The following CCL28 variants were observed in gnomAD, a reference collection of about 807,000 sequenced individuals.
CCL28 encodes C-C motif chemokine ligand 28.
Under a neutral mutation model 7.1 loss-of-function variants are expected in CCL28, and 4 were observed. The observed-to-expected ratio is 0.56, with a 90% CI of 0.28 to 1.29. The LOEUF (loss-of-function observed/expected upper bound fraction) is 1.29. CCL28 is among the 50% of genes most tolerant of loss of function. The pLI is 0.11. For missense variants in CCL28, 151 were observed against 163.4 expected (o/e 0.92, Z 0.41); for synonymous variants, 55 against 57.8 (o/e 0.95, Z 0.22).
chr5:43,400,246 TTCTG>T lies in CCL28; in HGVS notation c.65-11774_65-11771del, dbSNP rs199695166. Among the ~76,000 whole-genome samples, 71 of 152,304 alleles carry T rather than the reference TTCTG, an allele frequency of 4.7e-4. 3 individuals are homozygous for T. In the East Asian group the frequency reaches 0.013, roughly 29 times the overall value. On this transcript the variant is annotated intron_variant, in intron 1 of 2. Coordinates refer to ENST00000361115, the MANE Select transcript of CCL28 (RefSeq NM_148672.3). ...CCAGGAATGTGAGTCCCTGTTTTGG[TTCTG>T]TCTATGATACAGTTTTAGTCACTAG... is the stretch of plus-strand genomic sequence containing the variant.
At chr5:43,389,417 C>T (rs1019638783) in intron 1 of CCL28, among the ~76,000 whole-genome samples, 1 of 151,532 alleles carries the variant, frequency 6.6e-6, no homozygotes, top group Non-Finnish European at 1.5e-5. Flanking sequence ...GGATTTATCA[C>T]GTATCCACCC....
Position 43,388,340 on chromosome 5 carries a change from G to A in CCL28, c.191+10C>T, listed in dbSNP as rs1332325578. 11 of 1,613,846 alleles carry A rather than the reference G, an allele frequency of 6.8e-6. No individual in the cohort carries two copies. Among genetic ancestry groups the A allele is most frequent in the Non-Finnish European group, 9.3e-6 (11 of 1,179,960 alleles). On this transcript the variant is annotated intron_variant, in intron 2 of 2. Coordinates refer to ENST00000361115, the MANE Select transcript of CCL28 (RefSeq NM_148672.3). The stretch of plus-strand genomic sequence containing the variant: ...TGCAGGTTTAGACCTCCCGGCTGAT[G>A]AGCACTCACATGACAGCAGCCAAGT...
At chr5:43,383,077 C>T (rs184928555) in intron 2 of CCL28, among the ~76,000 whole-genome samples, 14 of 152,222 alleles carry the variant, frequency 9.2e-5, no homozygotes, top group South Asian at 2.1e-4. Context: ...CCTCAGCCCC[C>T]GAAGTGCTGG....
At chr5:43,358,073 G>C in the CCL28 span, among the ~76,000 whole-genome samples, 16 of 152,126 alleles carry the variant, frequency 1.1e-4, no homozygotes, top group Non-Finnish European at 2.1e-4. Flanking sequence ...CACCACTCAC[G>C]CCTTGTGAAG....
At chr5:43,368,580 C>T in the CCL28 span, among the ~76,000 whole-genome samples, 1 of 152,186 alleles carries the variant, frequency 6.6e-6, no homozygotes, top group Non-Finnish European at 1.5e-5. Flanking sequence ...TGTTAAAGTC[C>T]TAACCCCTAC....
chr5:43,388,600 G>C, intron 1 of CCL28, 124 bp from the exon 2 acceptor site: 2 of 884,772 alleles, frequency 2.3e-6, no homozygotes, highest in African/African-American at 1.7e-5. Flanking sequence ...ACATGGCTTT[G>C]TGAATACAGA....
chr5:43,377,893 C>T (rs899032782), downstream of CCL28, among the ~76,000 whole-genome samples: 69 of 149,382 alleles, frequency 4.6e-4, no homozygotes, highest in African/African-American at 1.5e-3. Flanking sequence ...CCACTACGCC[C>T]GGCTAATTTT....
the CCL28 span, among the ~76,000 whole-genome samples, chr5:43,365,014 T>C: frequency 6.7e-6 from 1 of 149,342 alleles, no homozygotes; most frequent in African/African-American, 2.5e-5. Context: ...CTTTTTTTTT[T>C]TTTTTTTTTG....
chr5:43,402,994 G>A (rs890101524), intron 1 of CCL28, among the ~76,000 whole-genome samples: 1 of 152,324 alleles, frequency 6.6e-6, no homozygotes, highest in South Asian at 2.1e-4. Context: ...GGCTTGAATA[G>A]GTAAACAAAA....
chr5:43,405,468 A>G (rs1170259897), intron 1 of CCL28, among the ~76,000 whole-genome samples: 1 of 152,250 alleles, frequency 6.6e-6, no homozygotes. Flanking sequence ...GACATAACAT[A>G]CCAGAATCTC....
intron 1 of CCL28, among the ~76,000 whole-genome samples, chr5:43,395,408 G>A (rs1740757258): frequency 6.6e-6 from 1 of 152,046 alleles, no homozygotes; most frequent in African/African-American, 2.4e-5. Context: ...CAGGTGTGGT[G>A]GCTCATACCT....
At chr5:43,395,652 G>C (rs1383637488) in intron 1 of CCL28, among the ~76,000 whole-genome samples, 2 of 152,080 alleles carry the variant, frequency 1.3e-5, no homozygotes, top group Non-Finnish European at 2.9e-5. Flanking sequence ...CAGACGCCAA[G>C]AGAGAGTTCT....
At chr5:43,396,266 C>T (rs1049608006) in intron 1 of CCL28, among the ~76,000 whole-genome samples, 2 of 152,048 alleles carry the variant, frequency 1.3e-5, no homozygotes, top group Admixed American at 6.6e-5. Context: ...GTAGTGAGGG[C>T]GACCAGAGGT....
downstream of CCL28, among the ~76,000 whole-genome samples, chr5:43,374,100 C>T (rs1739838308): frequency 1.3e-5 from 2 of 152,184 alleles, no homozygotes; most frequent in African/African-American, 4.8e-5. Flanking sequence ...TGCATGACTG[C>T]TCTGTGGTGT....
the CCL28 span, among the ~76,000 whole-genome samples, chr5:43,357,251 C>T: frequency 6.6e-6 from 1 of 152,178 alleles, no homozygotes; most frequent in East Asian, 1.9e-4. Context: ...CAAAGTTAGT[C>T]ATGTGGTCAA....
At chr5:43,364,584 T>TAGAA in the CCL28 span, among the ~76,000 whole-genome samples, 3 of 152,064 alleles carry the variant, frequency 2.0e-5, no homozygotes, top group Non-Finnish European at 2.9e-5. Flanking sequence ...AATTTTATCA[T>TAGAA]AGAATGTAAT....
At chr5:43,405,041 C>T (rs1243729305) in intron 1 of CCL28, among the ~76,000 whole-genome samples, 2 of 152,196 alleles carry the variant, frequency 1.3e-5, no homozygotes, top group Non-Finnish European at 2.9e-5. Flanking sequence ...GAGACTTAGA[C>T]TCCCACACAA....
chr5:43,397,616 A>G (rs192518283), intron 1 of CCL28, among the ~76,000 whole-genome samples: 1 of 152,300 alleles, frequency 6.6e-6, no homozygotes, highest in Admixed American at 6.5e-5. Flanking sequence ...TTAATGCAAA[A>G]AAGTCTATGA....
At chr5:43,389,115 G>A (rs73751082) in intron 1 of CCL28, among the ~76,000 whole-genome samples, 8,842 of 152,224 alleles carry the variant, frequency 0.058, 578 homozygotes, top group African/African-American at 0.16. Context: ...GGGCTGGGGG[G>A]CTAAGGGATG....
Sources: gnomAD v4.1 joint callset for allele counts (sites outside exome capture counted in the v4.1 genomes callset) on GRCh38, gnomAD v4.1.1 for gene constraint, MANE v1.5 for transcripts, NCBI Gene and HGNC (gene_info 2026-07-23, HGNC 2026-07-21) for gene names.